DOP1B: variants seen among roughly 807,000 people sequenced by gnomAD.
DOP1B encodes protein DOP1B.
DOP1B carries 174 observed loss-of-function variants against 233.5 expected under a neutral mutation model. The observed-to-expected ratio is 0.75, with a 90% CI of 0.66 to 0.85. The LOEUF is 0.85. Among genes scored for constraint, DOP1B ranks in the 40% least tolerant of loss-of-function variants. DOP1B has a pLI of 0.00. For synonymous variants in DOP1B, 1,190 were observed against 1,185.6 expected (o/e 1.00, Z -0.08); for missense variants, 2,652 against 2,846.6 (o/e 0.93, Z 1.56).
chr21:36,233,571 G>C (rs1004509305), intron 15 of DOP1B, among the ~76,000 whole-genome samples: 1 of 152,190 alleles, frequency 6.6e-6, no homozygotes, highest in South Asian at 2.1e-4. Flanking sequence ...GAGATGATGA[G>C]CAGGTCATGG....
intron 2 of DOP1B, among the ~76,000 whole-genome samples, chr21:36,194,832 G>C (rs546541500): frequency 1.3e-5 from 2 of 152,246 alleles, no homozygotes; most frequent in African/African-American, 4.8e-5. Flanking sequence ...TGTCTCTCTT[G>C]ATAAGCAGTC....
intron 2 of DOP1B, among the ~76,000 whole-genome samples, chr21:36,174,027 G>A (rs1461565142): frequency 6.6e-6 from 1 of 152,170 alleles, no homozygotes; most frequent in Non-Finnish European, 1.5e-5. Context: ...AGCTTCCGGA[G>A]TCTTCATCAG....
At chr21:36,215,023 A>G (rs980626003) in intron 9 of DOP1B, among the ~76,000 whole-genome samples, 1 of 152,218 alleles carries the variant, frequency 6.6e-6, no homozygotes, top group African/African-American at 2.4e-5. Flanking sequence ...AGCCTGGGCG[A>G]CAGAGTGAGA....
rs747600072 is a variant in DOP1B, at chr21:36,263,543, C to T, written c.5316-3C>T. 6 of 1,612,138 alleles carry T rather than the reference C, an allele frequency of 3.7e-6. No individual in the cohort carries two copies. The South Asian group carries it at 5.5e-5, about 15-fold the overall frequency. Reference sequence around the variant, plus strand: ...GTATTTTTCCTATCTTTTAAAAAAACAGGCTCCCAGTACCAGCCTTGCAAG... The same window carrying T: ...GTATTTTTCCTATCTTTTAAAAAAATAGGCTCCCAGTACCAGCCTTGCAAG... On this transcript the variant is annotated splice_region_variant and splice_polypyrimidine_tract_variant and intron_variant, in intron 24 of 36. Coordinates refer to ENST00000691173, the MANE Select transcript of DOP1B (RefSeq NM_001320714.2).
chr21:36,272,660 A>G (rs2070688995), intron 27 of DOP1B, among the ~76,000 whole-genome samples: 1 of 147,414 alleles, frequency 6.8e-6, no homozygotes, highest in African/African-American at 2.5e-5. Flanking sequence ...AAAAAAAAAA[A>G]AAAAAAAGGA....
At chr21:36,264,802 C>T (rs899959857) in intron 26 of DOP1B, among the ~76,000 whole-genome samples, 1 of 152,112 alleles carries the variant, frequency 6.6e-6, no homozygotes, top group African/African-American at 2.4e-5. Context: ...CCTTAAACGC[C>T]TTATCCCCCA....
chr21:36,167,597 T>C (rs943747849), intron 2 of DOP1B, among the ~76,000 whole-genome samples: 5 of 152,238 alleles, frequency 3.3e-5, no homozygotes, highest in Non-Finnish European at 7.3e-5. Context: ...AGTGCACAGT[T>C]AAGTGGCCTT....
At chr21:36,169,311 A>G (rs2065948073) in intron 2 of DOP1B, 3 of 779,308 alleles carry the variant, frequency 3.8e-6, no homozygotes, top group Admixed American at 3.5e-5. Context: ...TCAGTAAGGT[A>G]GCCCTGGTCA....
In DOP1B at chr21:36,292,196, C is replaced by T. The variant is rs2067567122; in HGVS notation, c.6608C>T (p.Thr2203Ile). Reference protein sequence around the residue: ...EENHQECKPHTVRILELLKLK... With the variant: ...EENHQECKPHIVRILELLKLK... ...AATCACCAAGAATGCAAACCCCACACTGTCAGGATTCTAGAACTTCTAAAA... is the reference window on the plus strand; with the variant it reads ...AATCACCAAGAATGCAAACCCCACATTGTCAGGATTCTAGAACTTCTAAAA... Residue 2203 changes from threonine to isoleucine, a missense_variant, in exon 36 of 37, where the codon ACT becomes ATT. Thr to Ile is a moderately conservative substitution (Grantham distance 89). Transcript: ENST00000691173. 1.9e-6 allele frequency: 3 copies of T among 1,610,200 alleles called. No homozygotes were observed. Among genetic ancestry groups the T allele is most frequent in the Admixed American group, 1.7e-5 (1 of 59,258 alleles).
intron 18 of DOP1B, among the ~76,000 whole-genome samples, chr21:36,241,416 C>A (rs936836613): frequency 2.6e-5 from 4 of 151,972 alleles, no homozygotes; most frequent in East Asian, 3.8e-4. Flanking sequence ...AGACACCCCC[C>A]TCTCCAGATC....
At chr21:36,258,799 G>C (rs1015822548) in intron 23 of DOP1B, among the ~76,000 whole-genome samples, 6 of 152,182 alleles carry the variant, frequency 3.9e-5, no homozygotes, top group African/African-American at 1.4e-4. Flanking sequence ...GAAGAGAAGA[G>C]AAGCCATCCT....
intron 7 of DOP1B, among the ~76,000 whole-genome samples, chr21:36,212,990 C>T (rs780993030): frequency 6.6e-6 from 1 of 152,154 alleles, no homozygotes; most frequent in African/African-American, 2.4e-5. Context: ...CCCTGTTGGC[C>T]AGGCTGATCT....
At chr21:36,187,215 C>T (rs868061810) in intron 2 of DOP1B, among the ~76,000 whole-genome samples, 1 of 149,258 alleles carries the variant, frequency 6.7e-6, no homozygotes, top group Non-Finnish European at 1.5e-5. Flanking sequence ...CCTTCCCCTC[C>T]TCTCCCCTCC....
chr21:36,278,467 A>G (rs1442683772), intron 30 of DOP1B, 112 bp downstream of exon 30: 1 of 1,144,710 alleles, frequency 8.7e-7, no homozygotes, highest in African/African-American at 1.5e-5. Context: ...GGATCAACCC[A>G]AATAACAGGA....
chr21:36,200,398 G>A lies in DOP1B; in HGVS notation c.388G>A (p.Glu130Lys), dbSNP rs147574672. The A allele has an allele frequency of 1.5e-5, 25 of 1,613,512 alleles. No individual in the cohort carries two copies. Among genetic ancestry groups the A allele is most frequent in the Non-Finnish European group, 2.1e-5 (25 of 1,180,026 alleles). ...GAGGCCGGTGCTGCTCACCCTGTAC[G>A]AGAAGTACTTCCTCCCACTGCAGAA... is the stretch of plus-strand genomic sequence containing the variant. ...SVRPVLLTLY[E>K]KYFLPLQKLL... The change falls in exon 4 of 37, where the codon GAG (glutamate) becomes AAG (lysine). Residue 130 changes from glutamate (E) to lysine (K), a missense_variant. This residue lies in a region of DOP1B where 2,617 missense variants were observed against 2,794.3 expected (regional missense o/e 0.94). Transcript: ENST00000691173.
At chr21:36,237,038 G>A (rs2066835669) in intron 15 of DOP1B, among the ~76,000 whole-genome samples, 1 of 152,070 alleles carries the variant, frequency 6.6e-6, no homozygotes, top group Non-Finnish European at 1.5e-5. Context: ...GCCCCACTTC[G>A]ACCTCCCAAA....
intron 2 of DOP1B, among the ~76,000 whole-genome samples, chr21:36,182,486 T>G (rs1022143176): frequency 3.3e-5 from 5 of 151,920 alleles, no homozygotes; most frequent in African/African-American, 1.2e-4. Flanking sequence ...TTTTTTCTCA[T>G]ACAAAGAGAC....
rs1193838167 is a variant in DOP1B, at chr21:36,225,612, C to G, written c.1418C>G (p.Pro473Arg). ...GTGAGGAACAGCGTCAGCCCTCCCCCCACGGTCTCGGAGCTCTGCGCCCTC... is the reference window on the plus strand; with the variant it reads ...GTGAGGAACAGCGTCAGCCCTCCCCGCACGGTCTCGGAGCTCTGCGCCCTC... ...YSVRNSVSPP[P>R]TVSELCALLV... Residue 473 changes from proline (P) to arginine (R), a missense_variant, in exon 12 of 37, where the codon CCC becomes CGC. Around this residue, in one of 3 missense-constraint regions of DOP1B, gnomAD observed 2,617 missense variants for 2,794.3 expected, o/e 0.94. Transcript: ENST00000691173. The G allele has an allele frequency of 1.2e-6, 2 of 1,614,162 alleles. No homozygotes were observed. Among genetic ancestry groups the G allele is most frequent in the South Asian group, 1.1e-5 (1 of 91,076 alleles).
At chr21:36,257,184 G>T (rs1468270371) in intron 23 of DOP1B, among the ~76,000 whole-genome samples, 1 of 152,158 alleles carries the variant, frequency 6.6e-6, no homozygotes. Context: ...AGGTATGGGG[G>T]AAGAGGTGCA....
Sources: gnomAD v4.1 joint callset for allele counts (sites outside exome capture counted in the v4.1 genomes callset) on GRCh38, gnomAD v4.1.1 for gene constraint, gnomAD v4.1.1 regional missense constraint, MANE v1.5 for transcripts, NCBI Gene and HGNC (gene_info 2026-07-23, HGNC 2026-07-21) for gene names.